The following CACNA1G variants were observed in gnomAD, a reference collection of about 807,000 sequenced individuals.
The protein encoded by CACNA1G is calcium voltage-gated channel subunit alpha1 G, also known as voltage-dependent T-type calcium channel subunit alpha-1G.
In CACNA1G, 67 loss-of-function variants were observed where a neutral mutation model predicts 219.4. The ratio of observed to expected loss-of-function variants is 0.31; its 90% CI spans 0.25 to 0.37. The LOEUF (loss-of-function observed/expected upper bound fraction) is 0.37. CACNA1G is among the 10% of genes least tolerant of loss of function. CACNA1G has a pLI of 1.00. For missense variants in CACNA1G, 2,380 were observed against 3,231.4 expected (o/e 0.74, Z 6.39); for synonymous variants, 1,296 against 1,345.3 (o/e 0.96, Z 0.80).
At chr17:50,580,057 G>A (rs1021914186) in intron 9 of CACNA1G, among the ~76,000 whole-genome samples, 1 of 152,098 alleles carries the variant, frequency 6.6e-6, no homozygotes, top group East Asian at 1.9e-4. Context: ...ACACATTGGC[G>A]TCCCTTCCTC....
rs1408464204 is a variant in CACNA1G at position 50,606,489 on chromosome 17, G to A, written c.4423-411G>A. ...GGTCACAATAAGGATGCAATGAGAT[G>A]ATGTGTATATTTCTTTAACATGGTG... On this transcript the variant is annotated intron_variant, in intron 23 of 37. Coordinates refer to ENST00000359106, the MANE Select transcript of CACNA1G (RefSeq NM_018896.5). 6 of 579,102 alleles carry A rather than the reference G, an allele frequency of 1.0e-5. No homozygotes were observed. In the East Asian group the frequency reaches 1.7e-4, roughly 16 times the overall value. 35.9% of individuals were successfully genotyped at this position (579,102 alleles called of 1,614,324 possible). A position where few individuals can be genotyped will look rare whatever the true frequency, so the allele number is the denominator to read the frequency against.
rs116242270 is a variant in CACNA1G, at chr17:50,601,561, G to A, written c.3915+387G>A. ...GGCATGCAGAGTGGCCATGGAAGCC[G>A]TTCTTTGCTCCTGGTCATCCTTCCA... On this transcript the variant is annotated intron_variant, in intron 19 of 37. Transcript: ENST00000359106. 3.7e-3 allele frequency among the ~76,000 whole-genome samples: 558 copies of A among 152,316 alleles called. 4 individuals carry two copies. Among genetic ancestry groups the A allele is most frequent in the African/African-American group, 0.013 (535 of 41,568 alleles).
intron 9 of CACNA1G, among the ~76,000 whole-genome samples, chr17:50,579,476 C>T (rs770464110): frequency 1.3e-5 from 2 of 152,150 alleles, no homozygotes; most frequent in African/African-American, 2.4e-5. Context: ...GTCCTCACAA[C>T]TGGGTTTGGC....
At position 50,578,470 on chromosome 17, in the gene CACNA1G, T is replaced by G; in HGVS notation, c.2207T>G (p.Phe736Cys). Residue 736 changes from phenylalanine to cysteine, a missense_variant, in exon 9 of 38, where the codon TTC becomes TGC. Physicochemically the swap from Phe to Cys is radical, Grantham distance 205. Coordinates refer to ENST00000359106, the MANE Select transcript of CACNA1G (RefSeq NM_018896.5). The surrounding 1 kb of genome is among the most constrained non-coding windows in gnomAD (Gnocchi z 4.5). ...TTCTGGAGGCTAATCTGTGACACCTTCCGAAAGATTGTGGACAGCAAGTAC... is the reference window on the plus strand; with the variant it reads ...TTCTGGAGGCTAATCTGTGACACCTGCCGAAAGATTGTGGACAGCAAGTAC... ...LAFWRLICDT[F>C]RKIVDSKYFG... 1 of 1,595,276 alleles carries G rather than the reference T, an allele frequency of 6.3e-7. No individual in the cohort carries two copies. The highest frequency in any genetic ancestry group is 8.6e-7 in the Non-Finnish European group (1 of 1,168,440).
rs776526576 is a variant in CACNA1G, at chr17:50,627,330, G to T, written c.*579G>T. ...GTAACTTATTTTTTCCTTTAACCTC[G>T]TCATCATTTTCTGTAGGGAAAAAAA... On this transcript the variant is annotated 3_prime_UTR_variant, in exon 38 of 38. Coordinates refer to ENST00000359106, the MANE Select transcript of CACNA1G (RefSeq NM_018896.5). 1.0e-5 allele frequency: 4 copies of T among 390,896 alleles called. No homozygotes were observed. The highest frequency in any genetic ancestry group is 3.2e-5 in the Admixed American group (1 of 31,424). The allele number at this position is 390,896 out of a possible 1,614,324, so 24.2% of individuals were successfully genotyped here.
chr17:50,596,776 G>T lies in CACNA1G; in HGVS notation c.3111G>T (p.Pro1037=). 1 of 1,612,352 alleles carries T rather than the reference G, an allele frequency of 6.2e-7. No individual in the cohort carries two copies. The highest frequency in any genetic ancestry group is 8.5e-7 in the Non-Finnish European group (1 of 1,179,744). The part of the protein sequence containing the change: ...EHPELRKSLL[P]PLIIHTAATP... ...CGGAGCTGCGGAAGAGCCTGCTGCC[G>T]CCTCTCATCATCCACACGGCCGCCA... Residue 1037 remains proline, a synonymous_variant, in exon 16 of 38, where the codon CCG becomes CCT. Coordinates refer to ENST00000359106, the MANE Select transcript of CACNA1G (RefSeq NM_018896.5). The surrounding 1 kb of genome is among the most constrained non-coding windows in gnomAD (Gnocchi z 4.8).
chr17:50,568,147 G>T (rs947022732), intron 1 of CACNA1G, among the ~76,000 whole-genome samples: 1 of 152,144 alleles, frequency 6.6e-6, no homozygotes, highest in East Asian at 1.9e-4. Context: ...GTAGCAGCGG[G>T]GACTGCAGCT....
chr17:50,594,926 G>A (rs1267746648), intron 13 of CACNA1G, 67 bp from the exon 14 acceptor site: 1 of 1,221,228 alleles, frequency 8.2e-7, no homozygotes, highest in South Asian at 1.3e-5. Flanking sequence ...TCTCGACACT[G>A]CCGATATCTG....
At chr17:50,580,833 G>A (rs978940583) in intron 9 of CACNA1G, among the ~76,000 whole-genome samples, 7 of 152,316 alleles carry the variant, frequency 4.6e-5, no homozygotes, top group East Asian at 1.9e-4. Context: ...TCAGGGGTGC[G>A]GAGAGTAAGA....
At position 50,596,061 on chromosome 17, in the gene CACNA1G, A is replaced by C. The variant is rs2045479105; in HGVS notation, c.2980-501A>C. 6.6e-6 allele frequency among the ~76,000 whole-genome samples: 1 copy of C among 152,144 alleles called. No individual in the cohort carries two copies. The highest frequency in any genetic ancestry group is 1.5e-5 in the Non-Finnish European group (1 of 68,016). ...TGAAGGGAAGACACCGAGGGACTGA[A>C]GTGGCGTCCTCGGGCTGAGCTGTTC... is the stretch of plus-strand genomic sequence containing the variant. On this transcript the variant is annotated intron_variant, in intron 14 of 37. Coordinates refer to ENST00000359106, the MANE Select transcript of CACNA1G (RefSeq NM_018896.5). This position sits in a 1 kb window ranked among gnomAD's most constrained non-coding sequence, Gnocchi z 4.8.
At position 50,626,215 on chromosome 17, in the gene CACNA1G, C is replaced by T; in HGVS notation, c.6598C>T (p.Pro2200Ser). The change falls in exon 38 of 38, where the codon CCA (proline) becomes TCA (serine). Residue 2200 changes from proline to serine, a missense_variant. Around this residue, in one of 17 missense-constraint regions of CACNA1G, gnomAD observed 672 missense variants for 670.5 expected, o/e 1.00. Transcript: ENST00000359106. This position sits in a 1 kb window ranked among gnomAD's most constrained non-coding sequence, Gnocchi z 4.3. ...HMTPPAPCPG[P>S]EPNWGKGPPE... Reference sequence around the variant, plus strand: ...GACCCCGCCAGCCCCTTGCCCAGGCCCAGAACCCAACTGGGGCAAGGGCCC... The same window carrying T: ...GACCCCGCCAGCCCCTTGCCCAGGCTCAGAACCCAACTGGGGCAAGGGCCC... 6.2e-7 allele frequency: 1 copy of T among 1,613,904 alleles called. No individual in the cohort carries two copies. Among genetic ancestry groups the T allele is most frequent in the African/African-American group, 1.3e-5 (1 of 75,046 alleles).
chr17:50,562,055 C>T (rs1234043898), intron 1 of CACNA1G: 1 of 170,686 alleles, frequency 5.9e-6, no homozygotes, highest in Non-Finnish European at 1.2e-5. Flanking sequence ...ATGTGGGAAG[C>T]TTCGGGAGCC....
Position 50,626,005 on chromosome 17 carries a change from C to G in CACNA1G, c.6400-12C>G. ...GAGACTGCTGGGCTGAGCCCTCCCC[C>G]ACCCCATATAGGCAGCAATAAGGAC... is the stretch of plus-strand genomic sequence containing the variant. On this transcript the variant is annotated splice_polypyrimidine_tract_variant and intron_variant, in intron 37 of 37. Coordinates refer to ENST00000359106, the MANE Select transcript of CACNA1G (RefSeq NM_018896.5). The surrounding 1 kb of genome is among the most constrained non-coding windows in gnomAD (Gnocchi z 4.3). The G allele has an allele frequency of 1.3e-6, 2 of 1,590,944 alleles. No homozygotes were observed. Among genetic ancestry groups the G allele is most frequent in the Non-Finnish European group, 8.6e-7 (1 of 1,164,784 alleles).
intron 13 of CACNA1G, among the ~76,000 whole-genome samples, 194 bp downstream of exon 13, chr17:50,592,286 C>G (rs2044486998): frequency 6.6e-6 from 1 of 152,172 alleles, no homozygotes; most frequent in South Asian, 2.1e-4. Flanking sequence ...TCACATGGGA[C>G]ACAGGGTGGT....
chr17:50,566,307 C>A (rs1567950616), intron 1 of CACNA1G, among the ~76,000 whole-genome samples: 1 of 103,504 alleles, frequency 9.7e-6, no homozygotes, highest in Non-Finnish European at 2.2e-5. Context: ...GGGTGAAAGA[C>A]CCCCCCCCCA....
At position 50,621,257 on chromosome 17, in the gene CACNA1G, T is replaced by C. The variant is rs2051902812; in HGVS notation, c.5926-403T>C. Among the ~76,000 whole-genome samples, 1 of 151,202 alleles carries C rather than the reference T, an allele frequency of 6.6e-6. No individual in the cohort carries two copies. Among genetic ancestry groups the C allele is most frequent in the African/African-American group, 2.4e-5 (1 of 41,162 alleles). ...GAGGAGAGACAGTGCTTTGCTGGCCTTTCTTCATTTTTTTTTTTTTTGGTA... is the reference window on the plus strand; with the variant it reads ...GAGGAGAGACAGTGCTTTGCTGGCCCTTCTTCATTTTTTTTTTTTTTGGTA... On this transcript the variant is annotated intron_variant, in intron 34 of 37. Coordinates refer to ENST00000359106, the MANE Select transcript of CACNA1G (RefSeq NM_018896.5). This position sits in a 1 kb window ranked among gnomAD's most constrained non-coding sequence, Gnocchi z 4.6.
rs2035706797 is a variant in CACNA1G, at chr17:50,561,802, A to C, written c.242+101A>C. 4 of 406,594 alleles carry C rather than the reference A, an allele frequency of 9.8e-6. No homozygotes were observed. The East Asian group carries it at 6.7e-4, about 68-fold the overall frequency. 25.2% of individuals were successfully genotyped at this position (406,594 alleles called of 1,614,324 possible). A position where few individuals can be genotyped will look rare whatever the true frequency, so the allele number is the denominator to read the frequency against. On this transcript the variant is annotated intron_variant, in intron 1 of 37. Coordinates refer to ENST00000359106, the MANE Select transcript of CACNA1G (RefSeq NM_018896.5). ...GAAGACCCACCGCCAGGTGAGTCGA[A>C]GTGAGCCCGGAGGGTAGGCGGATGG...
chr17:50,626,498 C>T lies in CACNA1G; in HGVS notation c.6881C>T (p.Pro2294Leu). The change falls in exon 38 of 38, where the codon CCT becomes CTT. Residue 2294 changes from proline to leucine, a missense_variant. This residue lies in a region of CACNA1G where 672 missense variants were observed against 670.5 expected (regional missense o/e 1.00). Coordinates refer to ENST00000359106, the MANE Select transcript of CACNA1G (RefSeq NM_018896.5). This position sits in a 1 kb window ranked among gnomAD's most constrained non-coding sequence, Gnocchi z 4.3. ...GTDPSNLGGQ[P>L]LGGPGSRPKK... ...GACCCCTCTAACCTTGGGGGCCAGCCTCTTGGGGGGCCTGGGAGCCGGCCC... is the reference window on the plus strand; with the variant it reads ...GACCCCTCTAACCTTGGGGGCCAGCTTCTTGGGGGGCCTGGGAGCCGGCCC... 1.9e-6 allele frequency: 3 copies of T among 1,586,952 alleles called. No individual in the cohort carries two copies. Among genetic ancestry groups the T allele is most frequent in the Non-Finnish European group, 2.6e-6 (3 of 1,167,934 alleles).
At chr17:50,625,906 A>T in intron 37 of CACNA1G, 111 bp from the exon 38 acceptor site, 1 of 1,194,392 alleles carries the variant, frequency 8.4e-7, no homozygotes, top group Non-Finnish European at 1.2e-6. Flanking sequence ...TGCTTAGGAT[A>T]GTCCTGCTGT....
Sources: gnomAD v4.1 joint callset for allele counts (sites outside exome capture counted in the v4.1 genomes callset) on GRCh38, gnomAD v4.1.1 for gene constraint, gnomAD v4.1.1 regional missense constraint, Gnocchi (gnomAD v3.1) non-coding constraint, MANE v1.5 for transcripts, NCBI Gene and HGNC (gene_info 2026-07-23, HGNC 2026-07-21) for gene names.